The following FDFT1 variants were observed in gnomAD, a reference collection of about 807,000 sequenced individuals.
FDFT1 encodes the protein farnesyl-diphosphate farnesyltransferase 1, also known as squalene synthase.
A neutral mutation model predicts 46.8 loss-of-function variants in FDFT1; 68 were observed. That is an observed-to-expected ratio of 1.45 (90% CI 1.19 to 1.78). FDFT1 has a LOEUF of 1.78. FDFT1 is among the 40% of genes most tolerant of loss of function. The pLI is 0.00. For synonymous variants in FDFT1, 351 were observed against 185.1 expected, an observed-to-expected ratio of 1.90 and a Z score of -7.28; for missense variants, 928 against 524.4, an observed-to-expected ratio of 1.77 and a Z score of -7.52.
At chr8:11,822,064 T>A (rs1809328775) in intron 4 of FDFT1, among the ~76,000 whole-genome samples, 186 bp downstream of exon 4, 1 of 152,206 alleles carries the variant, frequency 6.6e-6, no homozygotes, top group African/African-American at 2.4e-5. Flanking sequence ...CCAGCAGCTA[T>A]GTAGGATATC....
At chr8:11,829,839 T>TG (rs1183117671) in intron 5 of FDFT1, among the ~76,000 whole-genome samples, 4 of 151,914 alleles carry the variant, frequency 2.6e-5, no homozygotes, top group South Asian at 2.1e-4. Flanking sequence ...ATAGTGTTTT[T>TG]TTTTGTTTTG....
intron 1 of FDFT1, among the ~76,000 whole-genome samples, chr8:11,805,242 A>C (rs559683040): frequency 1.3e-5 from 2 of 152,276 alleles, no homozygotes; most frequent in South Asian, 2.1e-4. Context: ...CTAGGGAAAA[A>C]ATTTACGCTT....
At chr8:11,814,909 T>G (rs1277310041) in intron 3 of FDFT1, among the ~76,000 whole-genome samples, 1 of 152,190 alleles carries the variant, frequency 6.6e-6, no homozygotes, top group Non-Finnish European at 1.5e-5. Flanking sequence ...AGGGTACATG[T>G]GCACAACGTG....
In FDFT1 at chr8:11,826,143, T is replaced by A. The variant is rs755329339; in HGVS notation, c.630T>A (p.Phe210Leu). The A allele has an allele frequency of 2.9e-5, 46 of 1,608,804 alleles. No homozygotes were observed. Among genetic ancestry groups the A allele is most frequent in the Non-Finnish European group, 3.9e-5 (46 of 1,176,024 alleles). ...AACGTGCCAACTCTATGGGCCTGTT[T>A]TTGCAGAAAACAAACATCATCCGTG... is the stretch of plus-strand genomic sequence containing the variant. ...DTERANSMGL[F>L]LQKTNIIRDY... Residue 210 changes from phenylalanine to leucine, a missense_variant, in exon 5 of 8, where the codon TTT (phenylalanine) becomes TTA (leucine). Coordinates refer to ENST00000220584, the MANE Select transcript of FDFT1 (RefSeq NM_004462.5).
chr8:11,808,127 C>T (rs1190659513), intron 1 of FDFT1: 2 of 429,680 alleles, frequency 4.7e-6, no homozygotes, highest in African/African-American at 4.2e-5. Context: ...CTGGTCAAAT[C>T]AATTTAGCAG....
chr8:11,831,400 C>G (rs1345045166), intron 6 of FDFT1, 118 bp from the exon 7 acceptor site: 1 of 825,470 alleles, frequency 1.2e-6, no homozygotes, highest in Non-Finnish European at 1.9e-6. Flanking sequence ...GCGATTCCAT[C>G]TTAGTTGATT....
At position 11,809,814 on chromosome 8, in the gene FDFT1, G is replaced by C; in HGVS notation, c.345G>C (p.Lys115Asn). The change falls in exon 3 of 8, where the codon AAG (lysine) becomes AAC (asparagine). Residue 115 changes from lysine (K) to asparagine (N), a missense_variant. Physicochemically the swap from Lys to Asn is moderately conservative, Grantham distance 94 (BLOSUM62 0). Coordinates refer to ENST00000220584, the MANE Select transcript of FDFT1 (RefSeq NM_004462.5). ...CAGACTGGCGGTTCATGGAGAGCAA[G>C]GAGAAGGATCGCCAGGTGCTGGAGG... ...YQPDWRFMES[K>N]EKDRQVLEDF... 1 of 1,614,078 alleles carries C rather than the reference G, an allele frequency of 6.2e-7. No individual in the cohort carries two copies. The highest frequency in any genetic ancestry group is 8.5e-7 in the Non-Finnish European group (1 of 1,179,980).
intron 2 of FDFT1, chr8:11,809,198 C>A: frequency 1.6e-6 from 2 of 1,218,506 alleles, no homozygotes; most frequent in Non-Finnish European, 2.1e-6. Flanking sequence ...CTTCCCTTAT[C>A]CAACTTTGCA....
intron 3 of FDFT1, among the ~76,000 whole-genome samples, chr8:11,813,035 T>C (rs905987824): frequency 2.8e-5 from 4 of 144,648 alleles, no homozygotes; most frequent in Non-Finnish European, 6.0e-5. Context: ...TACAGGCCAT[T>C]GCTCCAAGGC....
At position 11,830,234 on chromosome 8, in the gene FDFT1, A is replaced by C. The variant is rs1422787430; in HGVS notation, c.703-10A>C. The C allele has an allele frequency of 1.2e-6, 2 of 1,609,714 alleles. No individual in the cohort carries two copies. The highest frequency in any genetic ancestry group is 2.7e-5 in the African/African-American group (2 of 74,810). On this transcript the variant is annotated splice_polypyrimidine_tract_variant and intron_variant, in intron 5 of 7. Transcript: ENST00000220584. ...CGCTGACCTGTTCCTTAATCTTCTT[A>C]TCTGTCTAGGTTTGGAGCAGGTATG...
upstream of FDFT1, among the ~76,000 whole-genome samples, chr8:11,798,494 A>G (rs999531250): frequency 2.6e-5 from 4 of 152,182 alleles, no homozygotes; most frequent in East Asian, 1.9e-4. Flanking sequence ...AATGAAAGGT[A>G]TTTGTTTTCT....
At chr8:11,812,578 C>G (rs887497475) in intron 3 of FDFT1, among the ~76,000 whole-genome samples, 1 of 152,182 alleles carries the variant, frequency 6.6e-6, no homozygotes, top group Non-Finnish European at 1.5e-5. Flanking sequence ...CTGAATCAAC[C>G]AGGTTGTTAC....
At chr8:11,821,253 A>T (rs1809195847) in intron 3 of FDFT1, among the ~76,000 whole-genome samples, 1 of 152,244 alleles carries the variant, frequency 6.6e-6, no homozygotes, top group South Asian at 2.1e-4. Flanking sequence ...AAACATTAGC[A>T]TTTTTAGACC....
At chr8:11,807,609 A>T (rs374898805) in intron 1 of FDFT1, among the ~76,000 whole-genome samples, 4 of 152,364 alleles carry the variant, frequency 2.6e-5, no homozygotes, top group African/African-American at 9.6e-5. Context: ...ATGAAAAAAT[A>T]CATAGTACAA....
chr8:11,798,537 A>AGG (rs1018512764), upstream of FDFT1, among the ~76,000 whole-genome samples: 2 of 152,236 alleles, frequency 1.3e-5, no homozygotes, highest in African/African-American at 4.8e-5. Flanking sequence ...ATGATTTTGA[A>AGG]GGGGTGGATA....
intron 1 of FDFT1, chr8:11,803,552 C>T (rs1806419837): frequency 1.9e-6 from 2 of 1,077,254 alleles, no homozygotes; most frequent in Non-Finnish European, 1.2e-6. Flanking sequence ...TTTTTATCTG[C>T]CTCATGCCTG....
At chr8:11,836,742 T>C (rs1470453547) in intron 7 of FDFT1, among the ~76,000 whole-genome samples, 1 of 152,256 alleles carries the variant, frequency 6.6e-6, no homozygotes, top group Non-Finnish European at 1.5e-5. Context: ...GATGCTTGTA[T>C]TGAAAAGTCT....
intron 7 of FDFT1, among the ~76,000 whole-genome samples, chr8:11,836,904 G>A (rs974276178): frequency 2.0e-5 from 3 of 152,248 alleles, no homozygotes; most frequent in African/African-American, 4.8e-5. Flanking sequence ...AGGGATGCAC[G>A]CTTGCTGTGT....
At chr8:11,797,632 C>G (rs1400740036), upstream of FDFT1, among the ~76,000 whole-genome samples, 4 of 87,428 alleles carry the variant, frequency 4.6e-5, no homozygotes, top group South Asian at 5.2e-4. Flanking sequence ...GTCTCTCACA[C>G]ACACTCAAAA....
Sources: gnomAD v4.1 joint callset for allele counts (sites outside exome capture counted in the v4.1 genomes callset) on GRCh38, gnomAD v4.1.1 for gene constraint, MANE v1.5 for transcripts, NCBI Gene and HGNC (gene_info 2026-07-23, HGNC 2026-07-21) for gene names.